Variants in CRPPA observed in about 807,000 individuals in gnomAD.
CRPPA encodes CDP-L-ribitol pyrophosphorylase A.
In CRPPA, 43 loss-of-function variants were observed where a neutral mutation model predicts 52.0. The observed-to-expected ratio is 0.83, with a 90% CI of 0.65 to 1.07. CRPPA has a LOEUF of 1.07. Ranked by LOEUF, CRPPA falls within the 50% of genes least tolerant of loss-of-function variation. The pLI is 0.00. For synonymous variants in CRPPA, 250 were observed against 203.5 expected, an observed-to-expected ratio of 1.23 and a Z score of -1.94; for missense variants, 629 against 551.7, an observed-to-expected ratio of 1.14 and a Z score of -1.40.
intron 2 of CRPPA, among the ~76,000 whole-genome samples, chr7:16,378,703 T>G (rs1407039017): frequency 2.0e-5 from 3 of 150,270 alleles, no homozygotes; most frequent in Admixed American, 6.6e-5. Flanking sequence ...TCCACAATGG[T>G]TGAACTAGTT....
At chr7:16,276,274 T>A (rs1429612280) in intron 6 of CRPPA, among the ~76,000 whole-genome samples, 3 of 151,982 alleles carry the variant, frequency 2.0e-5, no homozygotes, top group Non-Finnish European at 4.4e-5. Context: ...AAAGAAATAA[T>A]GTCAAATAAA....
chr7:16,363,665 A>G (rs1273799114), intron 3 of CRPPA, among the ~76,000 whole-genome samples: 1 of 152,210 alleles, frequency 6.6e-6, no homozygotes, highest in Admixed American at 6.5e-5. Context: ...GAAATGAAAC[A>G]GTCTCTTTAG....
At chr7:16,380,242 G>A (rs1238796060) in intron 2 of CRPPA, among the ~76,000 whole-genome samples, 1 of 151,412 alleles carries the variant, frequency 6.6e-6, no homozygotes, top group Admixed American at 6.6e-5. Context: ...CATCTATTGA[G>A]ATAATCATGT....
chr7:16,179,171 AT>A (rs1264960139), intron 9 of CRPPA, among the ~76,000 whole-genome samples: 49 of 152,190 alleles, frequency 3.2e-4, no homozygotes, highest in Non-Finnish European at 1.5e-4. Context: ...AGTATCAAGT[AT>A]TTTTTGTCCT....
intron 9 of CRPPA, among the ~76,000 whole-genome samples, chr7:16,149,916 G>A (rs1783044271): frequency 6.6e-6 from 1 of 151,580 alleles, no homozygotes; most frequent in Non-Finnish European, 1.5e-5. Flanking sequence ...AACTCGGGAG[G>A]CGGAAGTTGC....
At chr7:16,120,355 G>A (rs1384052488) in intron 9 of CRPPA, among the ~76,000 whole-genome samples, 1 of 152,004 alleles carries the variant, frequency 6.6e-6, no homozygotes, top group Non-Finnish European at 1.5e-5. Flanking sequence ...TCATCACCCT[G>A]GTCTGCCTTC....
At chr7:16,124,641 T>G (rs1782541302) in intron 9 of CRPPA, among the ~76,000 whole-genome samples, 1 of 152,166 alleles carries the variant, frequency 6.6e-6, no homozygotes, top group African/African-American at 2.4e-5. Flanking sequence ...TCTAGTGTTC[T>G]ATAGCACTAC....
At chr7:16,168,238 A>T (rs180807773) in intron 9 of CRPPA, among the ~76,000 whole-genome samples, 7 of 152,298 alleles carry the variant, frequency 4.6e-5, no homozygotes, top group African/African-American at 7.2e-5. Context: ...TTCATTGCCA[A>T]GTTAGTTGCT....
chr7:16,316,528 T>A (rs1225523435), intron 3 of CRPPA, among the ~76,000 whole-genome samples: 1 of 152,092 alleles, frequency 6.6e-6, no homozygotes, highest in Non-Finnish European at 1.5e-5. Context: ...ATTTAATCAG[T>A]CTCATGTTCT....
At chr7:16,349,035 G>C (rs1280172866) in intron 3 of CRPPA, among the ~76,000 whole-genome samples, 1 of 152,222 alleles carries the variant, frequency 6.6e-6, no homozygotes, top group Non-Finnish European at 1.5e-5. Flanking sequence ...TTGAATGTGA[G>C]TACAATATTT....
chr7:16,312,190 A>G (rs979316473), intron 3 of CRPPA, among the ~76,000 whole-genome samples: 1 of 152,004 alleles, frequency 6.6e-6, no homozygotes, highest in South Asian at 2.1e-4. Flanking sequence ...GATTGCATCA[A>G]ATTTGTAGAT....
intron 5 of CRPPA, among the ~76,000 whole-genome samples, chr7:16,297,549 A>T (rs1784699988): frequency 6.6e-6 from 1 of 152,170 alleles, no homozygotes. Context: ...ATGCAACATA[A>T]AAATTAGACA....
intron 9 of CRPPA, among the ~76,000 whole-genome samples, chr7:16,194,121 CAA>C (rs1781675302): frequency 1.3e-5 from 2 of 152,088 alleles, no homozygotes; most frequent in African/African-American, 4.8e-5. Flanking sequence ...ACAGATGAGA[CAA>C]AGAGGCTTTT....
At chr7:16,375,468 C>T (rs1052394821) in intron 3 of CRPPA, among the ~76,000 whole-genome samples, 4 of 152,114 alleles carry the variant, frequency 2.6e-5, no homozygotes, top group Non-Finnish European at 4.4e-5. Context: ...AAAGAAATTA[C>T]TTGATTTTTA....
At chr7:16,347,304 T>C (rs960869629) in intron 3 of CRPPA, among the ~76,000 whole-genome samples, 2 of 152,140 alleles carry the variant, frequency 1.3e-5, no homozygotes, top group South Asian at 4.1e-4. Context: ...CCTAAGTGAC[T>C]AAAGTCTTAT....
intron 3 of CRPPA, among the ~76,000 whole-genome samples, chr7:16,310,161 T>G (rs2128425068): frequency 6.6e-6 from 1 of 151,536 alleles, no homozygotes; most frequent in South Asian, 2.1e-4. Flanking sequence ...CATGGGGGGG[T>G]TATAGTTATA....
rs749085485 is a variant in CRPPA, at chr7:16,091,390, C to G, written c.*305G>C. ...CTCATTCCTTGAAAGAATAGCTCAC[C>G]CCATCATTATTTCTATTTGACCGTT... On this transcript the variant is annotated 3_prime_UTR_variant, in exon 10 of 10. Transcript: ENST00000407010. 7.3e-5 allele frequency: 16 copies of G among 218,054 alleles called. No individual in the cohort carries two copies. The highest frequency in any genetic ancestry group is 3.1e-4 in the Admixed American group (5 of 16,202). The allele number at this position is 218,054 out of a possible 1,614,324, so 13.5% of individuals were successfully genotyped here.
At chr7:16,244,714 C>T (rs1783220609) in intron 8 of CRPPA, among the ~76,000 whole-genome samples, 2 of 152,132 alleles carry the variant, frequency 1.3e-5, no homozygotes, top group African/African-American at 4.8e-5. Context: ...TGAAAAGCCT[C>T]ATAAATGTCT....
chr7:16,090,746 G>A lies in CRPPA; in HGVS notation c.*949C>T, dbSNP rs1424048150. ...AACAATAAAAAATAAAATAAATAGA[G>A]TAAGTGTATGTATAGATTAAAAGTC... On this transcript the variant is annotated 3_prime_UTR_variant, in exon 10 of 10. Transcript: ENST00000407010. The A allele has an allele frequency of 6.6e-6, 1 of 151,652 alleles. No homozygotes were observed. The highest frequency in any genetic ancestry group is 1.5e-5 in the Non-Finnish European group (1 of 67,930). 9.4% of individuals were successfully genotyped at this position (151,652 alleles called of 1,614,324 possible).
Sources: gnomAD v4.1 joint callset for allele counts (sites outside exome capture counted in the v4.1 genomes callset) on GRCh38, gnomAD v4.1.1 for gene constraint, MANE v1.5 for transcripts, NCBI Gene and HGNC (gene_info 2026-07-23, HGNC 2026-07-21) for gene names.